The following MAGI2 variants were observed in gnomAD, a reference collection of about 807,000 sequenced individuals.
MAGI2 encodes membrane associated guanylate kinase, WW and PDZ domain containing 2, also known as membrane-associated guanylate kinase, WW and PDZ domain-containing protein 2.
In MAGI2, 35 loss-of-function variants were observed where a neutral mutation model predicts 133.3. The observed-to-expected ratio is 0.26, with a 90% CI of 0.20 to 0.35. The LOEUF is 0.35. Among genes scored for constraint, MAGI2 ranks in the 10% least tolerant of loss-of-function variants. MAGI2 has a pLI of 1.00. For synonymous variants in MAGI2, 729 were observed against 710.6 expected (o/e 1.03, Z -0.41); for missense variants, 1,636 against 1,863.4 (o/e 0.88, Z 2.25).
At chr7:79,428,825 T>C (rs542745671) in intron 1 of MAGI2, among the ~76,000 whole-genome samples, 2 of 152,154 alleles carry the variant, frequency 1.3e-5, no homozygotes, top group Non-Finnish European at 2.9e-5. Flanking sequence ...TTCATTGTTC[T>C]CATTTGCTGA....
chr7:79,144,142 G>A (rs1822396516), intron 1 of MAGI2, among the ~76,000 whole-genome samples: 2 of 152,162 alleles, frequency 1.3e-5, no homozygotes, highest in Non-Finnish European at 2.9e-5. Context: ...ATAAATGTAG[G>A]CAAAGTACCC....
chr7:79,204,787 A>T (rs1828901935), intron 1 of MAGI2, among the ~76,000 whole-genome samples: 1 of 152,172 alleles, frequency 6.6e-6, no homozygotes, highest in Non-Finnish European at 1.5e-5. Flanking sequence ...ATTAAAAAAT[A>T]AAATAAATAG....
chr7:78,057,999 A>ATGTGTGTGTGTG (rs762405456), intron 21 of MAGI2, among the ~76,000 whole-genome samples: 5 of 108,580 alleles, frequency 4.6e-5, no homozygotes, highest in East Asian at 2.4e-4. Context: ...ATATATATAT[A>ATGTGTGTGTGTG]TATATGTATG....
At chr7:78,896,622 C>A (rs1314376063) in intron 2 of MAGI2, among the ~76,000 whole-genome samples, 1 of 151,384 alleles carries the variant, frequency 6.6e-6, no homozygotes, top group Non-Finnish European at 1.5e-5. Context: ...GGCTGGAGTG[C>A]AGTCGTGCAA....
At chr7:78,502,592 T>C (rs1343548245) in intron 4 of MAGI2, among the ~76,000 whole-genome samples, 1 of 141,840 alleles carries the variant, frequency 7.1e-6, no homozygotes, top group Non-Finnish European at 1.6e-5. Context: ...CTATTATTTG[T>C]TGTTCTTAAT....
chr7:79,289,195 T>C (rs1836266296), intron 1 of MAGI2, among the ~76,000 whole-genome samples: 1 of 152,176 alleles, frequency 6.6e-6, no homozygotes, highest in Non-Finnish European at 1.5e-5. Context: ...GGAACCTCCT[T>C]CATATTCCCA....
intron 1 of MAGI2, among the ~76,000 whole-genome samples, chr7:79,262,626 T>C (rs993714462): frequency 2.0e-5 from 3 of 152,166 alleles, no homozygotes; most frequent in African/African-American, 7.2e-5. Context: ...AAAGAATAGA[T>C]GGAAAGTATC....
intron 1 of MAGI2, among the ~76,000 whole-genome samples, chr7:79,252,343 CA>C (rs1403227832): frequency 1.3e-5 from 2 of 151,786 alleles, no homozygotes; most frequent in Non-Finnish European, 2.9e-5. Context: ...ACAAAGAAAA[CA>C]AACAAATGTT....
intron 2 of MAGI2, among the ~76,000 whole-genome samples, chr7:78,910,437 A>C (rs1163638668): frequency 6.6e-6 from 1 of 152,146 alleles, no homozygotes; most frequent in Non-Finnish European, 1.5e-5. Flanking sequence ...CAGAAAGGTA[A>C]TAAATACAAT....
chr7:78,491,351 C>T (rs1793584412), intron 5 of MAGI2, among the ~76,000 whole-genome samples: 2 of 152,050 alleles, frequency 1.3e-5, no homozygotes. Flanking sequence ...AGGTATAGAG[C>T]TATCTTTAAT....
chr7:78,849,311 G>C (rs1311108878), intron 2 of MAGI2, among the ~76,000 whole-genome samples: 1 of 151,944 alleles, frequency 6.6e-6, no homozygotes, highest in Non-Finnish European at 1.5e-5. Context: ...GCAATATCTT[G>C]GATATGGAAT....
At chr7:78,786,814 C>A (rs1209904500) in intron 2 of MAGI2, among the ~76,000 whole-genome samples, 1 of 152,160 alleles carries the variant, frequency 6.6e-6, no homozygotes, top group African/African-American at 2.4e-5. Context: ...GTGTGCCACC[C>A]CACTAGAATG....
intron 20 of MAGI2, among the ~76,000 whole-genome samples, chr7:78,098,190 C>T (rs1336664845): frequency 1.3e-5 from 2 of 152,108 alleles, no homozygotes. Flanking sequence ...CCCTTGCATG[C>T]TTTCTGACTT....
intron 20 of MAGI2, among the ~76,000 whole-genome samples, chr7:78,109,555 C>T (rs946510047): frequency 6.6e-6 from 1 of 151,894 alleles, no homozygotes; most frequent in African/African-American, 2.4e-5. Flanking sequence ...TCAGTTGAAC[C>T]CGGGAGGTGG....
At chr7:78,023,937 A>G (rs1339767425) in intron 21 of MAGI2, among the ~76,000 whole-genome samples, 1 of 152,232 alleles carries the variant, frequency 6.6e-6, no homozygotes, top group East Asian at 1.9e-4. Context: ...GGTATTATAA[A>G]TGACCTAGAG....
chr7:79,182,090 C>T (rs1428009474), intron 1 of MAGI2, among the ~76,000 whole-genome samples: 1 of 152,050 alleles, frequency 6.6e-6, no homozygotes, highest in Admixed American at 6.6e-5. Flanking sequence ...CTTCTGAGCC[C>T]TCCAAACTGT....
At chr7:78,070,215 A>ATATATATATATATATATATATC (rs1814428258) in intron 21 of MAGI2, among the ~76,000 whole-genome samples, 1 of 43,256 alleles carries the variant, frequency 2.3e-5, no homozygotes, top group South Asian at 1.3e-3. Flanking sequence ...ATATATATAT[A>ATATATATATATATATATATATC]TATACACACA....
At chr7:78,397,366 TACACACACACACAC>T (rs71085528) in intron 6 of MAGI2, among the ~76,000 whole-genome samples, 5 of 147,818 alleles carry the variant, frequency 3.4e-5, no homozygotes, top group African/African-American at 1.0e-4. Flanking sequence ...TTGAAATTCC[TACACACACACACAC>T]ACACACACAC....
chr7:78,245,819 T>C lies in MAGI2; in HGVS notation c.2047+10124A>G, dbSNP rs145612625. Among the ~76,000 whole-genome samples, 591 of 152,088 alleles carry C rather than the reference T, an allele frequency of 3.9e-3. 5 individuals carry two copies. Among genetic ancestry groups the C allele is most frequent in the African/African-American group, 0.014 (566 of 41,472 alleles). ...CAGGAGTCCACACAGCCATGCTCCCTCCAGAAAAGAAGCCGACACGGTGCC... is the reference window on the plus strand; with the variant it reads ...CAGGAGTCCACACAGCCATGCTCCCCCCAGAAAAGAAGCCGACACGGTGCC... On this transcript the variant is annotated intron_variant, in intron 10 of 21. Coordinates refer to ENST00000354212, the MANE Select transcript of MAGI2 (RefSeq NM_012301.4).
Sources: allele counts gnomAD v4.1 joint callset (sites outside exome capture counted in the v4.1 genomes callset), GRCh38; gene constraint gnomAD v4.1.1; transcripts MANE v1.5; gene names NCBI Gene and HGNC (gene_info 2026-07-23, HGNC 2026-07-21).